Variants in PTPRD observed in about 807,000 individuals in gnomAD.
PTPRD encodes the protein receptor-type tyrosine-protein phosphatase delta.
Under a neutral mutation model 214.5 loss-of-function variants are expected in PTPRD, and 34 were observed. The ratio of observed to expected loss-of-function variants is 0.16; its 90% CI spans 0.12 to 0.21. The LOEUF (loss-of-function observed/expected upper bound fraction) is 0.21, where lower values mean the gene tolerates loss of function less well. Among genes scored for constraint, PTPRD ranks in the 10% least tolerant of loss-of-function variants. The probability of loss-of-function intolerance (pLI) is 1.00; values close to 1 mark genes in which losing one functional copy is unlikely to be tolerated. For missense variants in PTPRD, 2,545 were observed against 2,398.7 expected (o/e 1.06, Z -1.27); for synonymous variants, 1,128 against 845.7 (o/e 1.33, Z -5.79).
chr9:9,451,231 T>C (rs890545222), intron 8 of PTPRD, among the ~76,000 whole-genome samples: 3 of 151,710 alleles, frequency 2.0e-5, no homozygotes, highest in Non-Finnish European at 4.4e-5. Context: ...GAAGACATCA[T>C]GTAAATCTGA....
At chr9:10,360,576 C>A (rs998975730) in intron 2 of PTPRD, among the ~76,000 whole-genome samples, 1 of 152,162 alleles carries the variant, frequency 6.6e-6, no homozygotes, top group African/African-American at 2.4e-5. Flanking sequence ...ATGGCATGCA[C>A]CAGCTTTTCT....
chr9:9,621,459 C>A (rs1337697097), intron 7 of PTPRD, among the ~76,000 whole-genome samples: 1 of 152,124 alleles, frequency 6.6e-6, no homozygotes, highest in African/African-American at 2.4e-5. Context: ...CTGTGTAATA[C>A]ATGCAGAACA....
chr9:10,216,066 A>G (rs2154345347), intron 3 of PTPRD, among the ~76,000 whole-genome samples: 1 of 152,122 alleles, frequency 6.6e-6, no homozygotes, highest in Admixed American at 6.6e-5. Flanking sequence ...TGGAATTAGC[A>G]TTATTGATTT....
At chr9:8,584,846 G>A (rs994760498) in intron 14 of PTPRD, among the ~76,000 whole-genome samples, 8 of 152,196 alleles carry the variant, frequency 5.3e-5, no homozygotes, top group Non-Finnish European at 1.0e-4. Context: ...TTACAATCAC[G>A]TTGGAAGCGG....
chr9:8,428,023 G>C (rs927840770), intron 35 of PTPRD, among the ~76,000 whole-genome samples: 6 of 152,156 alleles, frequency 3.9e-5, no homozygotes, highest in African/African-American at 1.4e-4. Context: ...TAAGTACTAT[G>C]ACTGCTTCTT....
chr9:9,416,872 T>G (rs889959961), intron 8 of PTPRD, among the ~76,000 whole-genome samples: 7 of 152,126 alleles, frequency 4.6e-5, no homozygotes, highest in Non-Finnish European at 8.8e-5. Context: ...GACCTATTAT[T>G]TCACAATTTT....
intron 14 of PTPRD, among the ~76,000 whole-genome samples, chr9:8,563,434 G>C (rs906550119): frequency 1.4e-5 from 2 of 144,832 alleles, no homozygotes; most frequent in African/African-American, 5.2e-5. Context: ...TTTTGATGTA[G>C]ACTTTTTTTT....
chr9:8,471,715 C>G (rs1404714991), intron 30 of PTPRD, among the ~76,000 whole-genome samples: 1 of 152,048 alleles, frequency 6.6e-6, no homozygotes, highest in Admixed American at 6.6e-5. Flanking sequence ...TTCAAAACAG[C>G]TATCACTATA....
At chr9:10,268,306 A>G (rs1312168708) in intron 3 of PTPRD, among the ~76,000 whole-genome samples, 6 of 149,280 alleles carry the variant, frequency 4.0e-5, no homozygotes, top group Non-Finnish European at 7.4e-5. Context: ...TAATAATAAT[A>G]ATAATAATAA....
intron 2 of PTPRD, among the ~76,000 whole-genome samples, chr9:10,447,847 T>C (rs1197041740): frequency 1.3e-5 from 2 of 151,930 alleles, no homozygotes. Flanking sequence ...TATAAAACAA[T>C]GGAAGAGGTG....
At position 10,486,624 on chromosome 9, in the gene PTPRD, T is replaced by C. The variant is rs2099134491; in HGVS notation, c.-600+125774A>G. On this transcript the variant is annotated intron_variant, in intron 2 of 45. Transcript: ENST00000381196. ...TATTTATTTGAACAGTTTCCTAAACTCTTTTTACTGATTTCTAGTTTTACT... is the reference window on the plus strand; with the variant it reads ...TATTTATTTGAACAGTTTCCTAAACCCTTTTTACTGATTTCTAGTTTTACT... Among the ~76,000 whole-genome samples the C allele has an allele frequency of 2.0e-5, 3 of 152,220 alleles. 1 individual carries two copies. Among genetic ancestry groups the C allele is most frequent in the Admixed American group, 2.0e-4 (3 of 15,284 alleles).
At chr9:9,205,055 T>C (rs1025610664) in intron 9 of PTPRD, among the ~76,000 whole-genome samples, 5 of 152,294 alleles carry the variant, frequency 3.3e-5, no homozygotes, top group Non-Finnish European at 4.4e-5. Context: ...AATGGGAATT[T>C]AATAGCTCAT....
chr9:8,422,609 A>C (rs530623581), intron 35 of PTPRD, among the ~76,000 whole-genome samples: 21 of 152,332 alleles, frequency 1.4e-4, no homozygotes, highest in Admixed American at 2.6e-4. Context: ...ATAACTTCAC[A>C]GTAGAAACTT....
intron 11 of PTPRD, among the ~76,000 whole-genome samples, chr9:8,926,640 C>T (rs2098896458): frequency 6.6e-6 from 1 of 152,124 alleles, no homozygotes; most frequent in African/African-American, 2.4e-5. Flanking sequence ...TGATTCTTTC[C>T]ACTGGAAATA....
In PTPRD at chr9:9,265,412, C is replaced by A. The variant is rs73390815; in HGVS notation, c.-202-82049G>T. Among the ~76,000 whole-genome samples the A allele has an allele frequency of 4.6e-5, 7 of 151,584 alleles. No homozygotes were observed. The East Asian group carries it at 7.9e-4, about 17-fold the overall frequency. On this transcript the variant is annotated intron_variant, in intron 9 of 45. Transcript: ENST00000381196. ...AGGATTACAGGCACATACCACCACACCTAGCGTTTTTTTGTTTTTGTTTTT... is the reference window on the plus strand; with the variant it reads ...AGGATTACAGGCACATACCACCACAACTAGCGTTTTTTTGTTTTTGTTTTT...
intron 43 of PTPRD, among the ~76,000 whole-genome samples, chr9:8,335,215 T>C (rs1312584794): frequency 6.6e-6 from 1 of 150,658 alleles, no homozygotes; most frequent in African/African-American, 2.5e-5. Flanking sequence ...TCCAGGCCAA[T>C]ATCCCTGATG....
chr9:9,605,829 T>A (rs529341701), intron 7 of PTPRD, among the ~76,000 whole-genome samples: 1 of 152,190 alleles, frequency 6.6e-6, no homozygotes, highest in African/African-American at 2.4e-5. Context: ...GTTGTAAGAA[T>A]GATTTGCATT....
chr9:9,364,043 C>T (rs978028779), intron 9 of PTPRD, among the ~76,000 whole-genome samples: 1 of 151,408 alleles, frequency 6.6e-6, no homozygotes, highest in African/African-American at 2.4e-5. Context: ...TTCTATAATA[C>T]TTTACATATT....
intron 12 of PTPRD, among the ~76,000 whole-genome samples, chr9:8,699,193 T>A (rs1482908405): frequency 2.6e-5 from 4 of 152,248 alleles, no homozygotes; most frequent in African/African-American, 7.2e-5. Context: ...TTCCTCATTT[T>A]CTTTATGAAA....
Sources: gnomAD v4.1 joint callset for allele counts (sites outside exome capture counted in the v4.1 genomes callset) on GRCh38, gnomAD v4.1.1 for gene constraint, MANE v1.5 for transcripts, NCBI Gene and HGNC (gene_info 2026-07-23, HGNC 2026-07-21) for gene names.